The following ATG5 variants were observed in gnomAD, a reference collection of about 807,000 sequenced individuals.
The protein encoded by ATG5 is autophagy related 5.
In ATG5, 14 loss-of-function variants were observed where a neutral mutation model predicts 36.5. That is an observed-to-expected ratio of 0.38 (90% CI 0.25 to 0.60). ATG5 has a LOEUF of 0.60. Ranked by LOEUF, ATG5 falls within the 20% of genes least tolerant of loss-of-function variation. The pLI is 0.60. For synonymous variants in ATG5, 95 were observed against 101.5 expected (o/e 0.94, Z 0.38); for missense variants, 195 against 326.7 (o/e 0.60, Z 3.11).
chr6:106,276,464 C>CAAA (rs35078793), intron 5 of ATG5, among the ~76,000 whole-genome samples: 27 of 109,416 alleles, frequency 2.5e-4, no homozygotes, highest in Middle Eastern at 5.3e-3. Flanking sequence ...ACTCTGTCTC[C>CAAA]AAAAAAAAAA....
chr6:106,192,477 A>C (rs1304353861), intron 7 of ATG5, among the ~76,000 whole-genome samples: 1 of 152,198 alleles, frequency 6.6e-6, no homozygotes, highest in African/African-American at 2.4e-5. Context: ...GATTCTAGTG[A>C]GATGCTTGAG....
At chr6:106,200,280 T>A (rs1037705810) in intron 7 of ATG5, among the ~76,000 whole-genome samples, 5 of 152,196 alleles carry the variant, frequency 3.3e-5, no homozygotes, top group Non-Finnish European at 5.9e-5. Flanking sequence ...TTTCCTTAGA[T>A]GCAAAATGCT....
At chr6:106,220,569 T>A (rs1443602477) in intron 6 of ATG5, among the ~76,000 whole-genome samples, 6 of 152,192 alleles carry the variant, frequency 3.9e-5, no homozygotes, top group Non-Finnish European at 5.9e-5. Flanking sequence ...TCCTTAATGA[T>A]AACCCTATAT....
At chr6:106,317,056 G>C (rs1301353381) in intron 1 of ATG5, among the ~76,000 whole-genome samples, 1 of 152,110 alleles carries the variant, frequency 6.6e-6, no homozygotes, top group Non-Finnish European at 1.5e-5. Context: ...TATAGCACTA[G>C]ATCTGCAAAA....
chr6:106,286,661 G>T (rs1279839125), intron 4 of ATG5, among the ~76,000 whole-genome samples: 2 of 152,240 alleles, frequency 1.3e-5, no homozygotes, highest in South Asian at 4.1e-4. Context: ...ATTAAGTCAT[G>T]TTATACAGTA....
intron 5 of ATG5, among the ~76,000 whole-genome samples, chr6:106,250,208 A>G (rs539691704): frequency 4.6e-5 from 7 of 152,252 alleles, no homozygotes; most frequent in African/African-American, 1.7e-4. Flanking sequence ...TTTGAATCCA[A>G]TCTACTGGCA....
chr6:106,228,753 T>C (rs1298741655), intron 6 of ATG5, among the ~76,000 whole-genome samples: 5 of 152,222 alleles, frequency 3.3e-5, no homozygotes, highest in East Asian at 3.9e-4. Context: ...TGGAGGAAAA[T>C]ACTGGGCACC....
chr6:106,314,292 C>T (rs1770759576), intron 2 of ATG5, among the ~76,000 whole-genome samples: 1 of 152,194 alleles, frequency 6.6e-6, no homozygotes, highest in Non-Finnish European at 1.5e-5. Context: ...TGGAGTAGCT[C>T]ATGCCTGTAA....
rs1775767448 is a variant in ATG5, at chr6:106,186,342, G to A, written c.*198C>T. Reference sequence around the variant, plus strand: ...TCACAGCTGAGGTTTAATGATGGCAGTGGAGGAAAGCAGAGGTGATGCAAA... The same window carrying A: ...TCACAGCTGAGGTTTAATGATGGCAATGGAGGAAAGCAGAGGTGATGCAAA... On this transcript the variant is annotated 3_prime_UTR_variant, in exon 8 of 8. Transcript: ENST00000369076. 1.8e-6 allele frequency: 1 copy of A among 550,398 alleles called. No individual in the cohort carries two copies. Among genetic ancestry groups the A allele is most frequent in the Non-Finnish European group, 3.2e-6 (1 of 317,338 alleles). 34.1% of individuals were successfully genotyped at this position (550,398 alleles called of 1,614,324 possible).
chr6:106,226,144 G>T (rs1247558845), intron 6 of ATG5, among the ~76,000 whole-genome samples: 4 of 152,152 alleles, frequency 2.6e-5, no homozygotes, highest in African/African-American at 9.7e-5. Flanking sequence ...CCCTGGCAAA[G>T]ATTGGAAGAT....
chr6:106,284,441 C>A (rs568477732), intron 4 of ATG5, among the ~76,000 whole-genome samples: 1 of 152,240 alleles, frequency 6.6e-6, no homozygotes, highest in African/African-American at 2.4e-5. Flanking sequence ...ACTGCTCCTC[C>A]CAGGCTCAAG....
chr6:106,233,426 A>G (rs1777766665), intron 6 of ATG5, among the ~76,000 whole-genome samples: 1 of 152,222 alleles, frequency 6.6e-6, no homozygotes. Flanking sequence ...GGCCCTAAAG[A>G]AGGCCCTAAC....
chr6:106,199,878 T>G (rs554101705), intron 7 of ATG5, among the ~76,000 whole-genome samples: 61 of 152,308 alleles, frequency 4.0e-4, no homozygotes, highest in African/African-American at 1.5e-3. Context: ...TACATGGATG[T>G]GTGTAAGACA....
At chr6:106,261,520 G>C (rs1399574263) in intron 5 of ATG5, among the ~76,000 whole-genome samples, 1 of 152,224 alleles carries the variant, frequency 6.6e-6, no homozygotes, top group East Asian at 1.9e-4. Flanking sequence ...TGTGAACTTT[G>C]AAACATATCT....
intron 5 of ATG5, among the ~76,000 whole-genome samples, chr6:106,262,808 C>T (rs627484): frequency 0.031 from 4,768 of 152,268 alleles, 262 homozygotes; most frequent in East Asian, 0.25. Flanking sequence ...CTGTGCTACC[C>T]GGCTGGGTTA....
intron 7 of ATG5, among the ~76,000 whole-genome samples, chr6:106,200,963 C>G (rs1776405999): frequency 6.6e-6 from 1 of 152,000 alleles, no homozygotes; most frequent in Non-Finnish European, 1.5e-5. Context: ...CAAAATCCAC[C>G]CAGGCTCAAG....
intron 6 of ATG5, among the ~76,000 whole-genome samples, chr6:106,227,346 A>G (rs1399526642): frequency 2.6e-5 from 4 of 152,224 alleles, no homozygotes; most frequent in African/African-American, 9.6e-5. Context: ...CTGTAATCTC[A>G]GTATTTTGGG....
intron 6 of ATG5, among the ~76,000 whole-genome samples, chr6:106,229,944 T>C (rs1171628891): frequency 3.3e-5 from 5 of 152,198 alleles, no homozygotes; most frequent in African/African-American, 9.7e-5. Flanking sequence ...GGCTATTCTG[T>C]CAGAAAAAGG....
chr6:106,268,652 T>C (rs1247453247), intron 5 of ATG5, among the ~76,000 whole-genome samples: 2 of 152,118 alleles, frequency 1.3e-5, no homozygotes, highest in Non-Finnish European at 2.9e-5. Context: ...TTAGACTGGA[T>C]AGAGAAAATG....
Sources: allele counts gnomAD v4.1 joint callset (sites outside exome capture counted in the v4.1 genomes callset), GRCh38; gene constraint gnomAD v4.1.1; transcripts MANE v1.5; gene names NCBI Gene and HGNC (gene_info 2026-07-23, HGNC 2026-07-21).